MAGI2: variants seen among roughly 807,000 people sequenced by gnomAD.
MAGI2 encodes the protein membrane-associated guanylate kinase, WW and PDZ domain-containing protein 2.
A neutral mutation model predicts 133.3 loss-of-function variants in MAGI2; 35 were observed. The observed-to-expected ratio is 0.26, with a 90% CI of 0.20 to 0.35. The LOEUF (loss-of-function observed/expected upper bound fraction) is 0.35, where lower values mean the gene tolerates loss of function less well. Ranked by LOEUF, MAGI2 falls within the 10% of genes least tolerant of loss-of-function variation. MAGI2 has a pLI of 1.00. For synonymous variants in MAGI2, 729 were observed against 710.6 expected (o/e 1.03, Z -0.41); for missense variants, 1,636 against 1,863.4 (o/e 0.88, Z 2.25).
At chr7:79,066,665 A>C (rs1245275974) in intron 1 of MAGI2, among the ~76,000 whole-genome samples, 3 of 151,984 alleles carry the variant, frequency 2.0e-5, no homozygotes, top group African/African-American at 7.2e-5. Flanking sequence ...TTGGTGTTTT[A>C]GTCATTAAGT....
In MAGI2 at chr7:79,191,402, C is replaced by CTTTTTTTTTTTTTTTT. The variant is rs71095386; in HGVS notation, c.302-184212_302-184197dup. On this transcript the variant is annotated intron_variant, in intron 1 of 21. Coordinates refer to ENST00000354212, the MANE Select transcript of MAGI2 (RefSeq NM_012301.4). Reference sequence around the variant, plus strand: ...TCTTTTTTTCTTTTTCTTTTTCTTTCTTTTTTTTTTTTTTTTTTTTTTTTT... The same window carrying CTTTTTTTTTTTTTTTT: ...TCTTTTTTTCTTTTTCTTTTTCTTTCTTTTTTTTTTTTTTTTTTTTTTTTTTTTTTTTTTTTTTTTT... Among the ~76,000 whole-genome samples the CTTTTTTTTTTTTTTTT allele has an allele frequency of 5.5e-3, 123 of 22,330 alleles. 13 individuals are homozygous for CTTTTTTTTTTTTTTTT. The highest frequency in any genetic ancestry group is 7.2e-3 in the Non-Finnish European group (77 of 10,648). 14.6% of individuals were successfully genotyped at this position (22,330 alleles called of 152,430 possible).
intron 21 of MAGI2, among the ~76,000 whole-genome samples, chr7:78,032,098 A>G (rs1809652371): frequency 6.7e-6 from 1 of 150,352 alleles, no homozygotes; most frequent in Non-Finnish European, 1.5e-5. Context: ...GGAGCTGTCC[A>G]ATTGTGTTAT....
intron 10 of MAGI2, chr7:78,252,783 T>C (rs1247973457): frequency 2.0e-5 from 3 of 151,758 alleles, no homozygotes; most frequent in East Asian, 1.9e-4. Flanking sequence ...CTACCAAAAA[T>C]ATAAAAAATT....
intron 10 of MAGI2, among the ~76,000 whole-genome samples, chr7:78,223,139 G>A (rs909660291): frequency 6.6e-6 from 1 of 152,104 alleles, no homozygotes; most frequent in Non-Finnish European, 1.5e-5. Flanking sequence ...CTAGGTGTGC[G>A]GGTATCACAC....
In MAGI2 at chr7:78,160,236, A is replaced by G. The variant is rs1824840176; in HGVS notation, c.2634T>C (p.Ser878=). The G allele has an allele frequency of 6.2e-7, 1 of 1,608,426 alleles. No individual in the cohort carries two copies. Among genetic ancestry groups the G allele is most frequent in the South Asian group, 1.1e-5 (1 of 89,476 alleles). Residue 878 remains serine, a synonymous_variant, in exon 16 of 22, where the codon TCT becomes TCC. Transcript: ENST00000354212. ...PCPENGRSPG[S]VSTHHSSPRS... is the part of the protein sequence containing the mutation. ...GTGGAGAGCTGTGGTGGGTGGATAC[A>G]GAGCCTGGACTTCTCCCGTTCTCTG...
intron 21 of MAGI2, among the ~76,000 whole-genome samples, chr7:78,054,955 A>C (rs1299526975): frequency 6.6e-6 from 1 of 152,126 alleles, no homozygotes; most frequent in Non-Finnish European, 1.5e-5. Flanking sequence ...GGTTGACCTT[A>C]ACCTTATTTC....
chr7:79,243,510 G>C (rs932193477), intron 1 of MAGI2, among the ~76,000 whole-genome samples: 3 of 152,186 alleles, frequency 2.0e-5, no homozygotes, highest in Non-Finnish European at 4.4e-5. Flanking sequence ...TGATATCATG[G>C]AGAATTAACT....
chr7:78,380,206 T>C (rs1794795663), intron 6 of MAGI2, among the ~76,000 whole-genome samples: 1 of 151,494 alleles, frequency 6.6e-6, no homozygotes, highest in Non-Finnish European at 1.5e-5. Flanking sequence ...TTGTACAAAA[T>C]AGACTATTTC....
chr7:78,223,917 A>C (rs1789092476), intron 10 of MAGI2, among the ~76,000 whole-genome samples: 1 of 152,304 alleles, frequency 6.6e-6, no homozygotes, highest in East Asian at 1.9e-4. Flanking sequence ...CATGTAGGGC[A>C]CTTTTAAAAT....
chr7:79,083,723 A>C (rs1816252911), intron 1 of MAGI2, among the ~76,000 whole-genome samples: 1 of 151,690 alleles, frequency 6.6e-6, no homozygotes, highest in Non-Finnish European at 1.5e-5. Flanking sequence ...CATTTTTAAG[A>C]AGAATTTGTG....
In MAGI2 at chr7:78,267,936, G is replaced by A. The variant is rs186542960; in HGVS notation, c.1409-11355C>T. Among the ~76,000 whole-genome samples, 18 of 152,258 alleles carry A rather than the reference G, an allele frequency of 1.2e-4. 1 individual carries two copies. The highest frequency in any genetic ancestry group is 1.1e-3 in the Admixed American group (17 of 15,286). ...GTTTCCAATGTTACAATTATTATAT[G>A]ATACTGAAGCTGACTGGGATAAGTT... On this transcript the variant is annotated intron_variant, in intron 9 of 21. Coordinates refer to ENST00000354212, the MANE Select transcript of MAGI2 (RefSeq NM_012301.4).
chr7:78,934,243 A>G (rs1299663571), intron 2 of MAGI2, among the ~76,000 whole-genome samples: 1 of 152,142 alleles, frequency 6.6e-6, no homozygotes. Context: ...TTGGGATTAC[A>G]GGTGCCTGTC....
chr7:79,109,804 C>T (rs1818761014), intron 1 of MAGI2, among the ~76,000 whole-genome samples: 1 of 151,932 alleles, frequency 6.6e-6, no homozygotes, highest in South Asian at 2.1e-4. Context: ...TCTGCCTGGG[C>T]ACCCAGGCTT....
rs1270651753 is a variant in MAGI2 at position 79,209,323 on chromosome 7, TA to T, written c.302-202118del. On this transcript the variant is annotated intron_variant, in intron 1 of 21. Coordinates refer to ENST00000354212, the MANE Select transcript of MAGI2 (RefSeq NM_012301.4). ...ATCTGTCGCAAAAACATAAATATAC[TA>T]AATACAATGAAAGTGATTACACATA... 3.9e-5 allele frequency among the ~76,000 whole-genome samples: 6 copies of T among 152,174 alleles called. No individual in the cohort carries two copies. The East Asian group carries it at 1.2e-3, about 29-fold the overall frequency.
intron 2 of MAGI2, among the ~76,000 whole-genome samples, chr7:78,872,466 C>T (rs193271690): frequency 5.3e-5 from 8 of 152,058 alleles, no homozygotes; most frequent in Non-Finnish European, 1.2e-4. Flanking sequence ...AACATACATT[C>T]TTTGAATCTT....
intron 3 of MAGI2, chr7:78,554,504 C>G (rs1799617552): frequency 6.6e-6 from 1 of 152,202 alleles, no homozygotes; most frequent in South Asian, 2.1e-4. Flanking sequence ...ATTCAGGACA[C>G]ATTACCCCAA....
intron 1 of MAGI2, among the ~76,000 whole-genome samples, chr7:79,271,974 T>C (rs1308362447): frequency 6.6e-6 from 1 of 152,152 alleles, no homozygotes; most frequent in Non-Finnish European, 1.5e-5. Context: ...AGAACCACAC[T>C]GGTTTAATGT....
intron 1 of MAGI2, among the ~76,000 whole-genome samples, chr7:79,028,265 A>ATATATATATG (rs1434615900): frequency 1.0e-3 from 24 of 23,034 alleles, no homozygotes; most frequent in African/African-American, 3.0e-3. Context: ...ATATATATAT[A>ATATATATATG]TATGTATGTA....
chr7:78,736,961 T>G (rs1821916281), intron 2 of MAGI2, among the ~76,000 whole-genome samples: 1 of 152,240 alleles, frequency 6.6e-6, no homozygotes, highest in Admixed American at 6.5e-5. Flanking sequence ...ATTGTTTGAG[T>G]TGCAAGCTGA....
Sources: allele counts gnomAD v4.1 joint callset (sites outside exome capture counted in the v4.1 genomes callset), GRCh38; gene constraint gnomAD v4.1.1; transcripts MANE v1.5; gene names NCBI Gene and HGNC (gene_info 2026-07-23, HGNC 2026-07-21).